OLFM3: variants seen among roughly 807,000 people sequenced by gnomAD.
OLFM3 encodes the protein noelin-3.
A neutral mutation model predicts 48.6 loss-of-function variants in OLFM3; 20 were observed. The ratio of observed to expected loss-of-function variants is 0.41; its 90% CI spans 0.29 to 0.60. The LOEUF is 0.60. Ranked by LOEUF, OLFM3 falls within the 20% of genes least tolerant of loss-of-function variation. The pLI is 0.28. For synonymous variants in OLFM3, 222 were observed against 198.1 expected, an observed-to-expected ratio of 1.12 and a Z score of -1.01; for missense variants, 437 against 544.3, an observed-to-expected ratio of 0.80 and a Z score of 1.96.
intron 1 of OLFM3, among the ~76,000 whole-genome samples, chr1:101,922,150 C>T (rs1659116876): frequency 6.6e-6 from 1 of 152,128 alleles, no homozygotes; most frequent in African/African-American, 2.4e-5. Context: ...GAAACCAACT[C>T]CATTTCTTGT....
intron 1 of OLFM3, among the ~76,000 whole-genome samples, chr1:101,987,302 C>T (rs932410235): frequency 1.3e-5 from 2 of 152,170 alleles, no homozygotes; most frequent in Non-Finnish European, 2.9e-5. Context: ...TTTCCTTCTG[C>T]ATAGTCCTTG....
intron 1 of OLFM3, among the ~76,000 whole-genome samples, chr1:101,865,830 C>T (rs142020139): frequency 3.5e-4 from 53 of 152,258 alleles, no homozygotes; most frequent in African/African-American, 1.3e-3. Flanking sequence ...TAACATTTAA[C>T]TCTACTAGAT....
chr1:101,845,431 A>C (rs1655947884), intron 1 of OLFM3, among the ~76,000 whole-genome samples: 1 of 152,210 alleles, frequency 6.6e-6, no homozygotes, highest in South Asian at 2.1e-4. Flanking sequence ...AAAAATATAC[A>C]TGTCAGAATC....
chr1:101,885,427 ATTT>A (rs1657711967), intron 1 of OLFM3, among the ~76,000 whole-genome samples: 1 of 152,048 alleles, frequency 6.6e-6, no homozygotes, highest in African/African-American at 2.4e-5. Flanking sequence ...ATATGGAAAT[ATTT>A]TTAGATAAAT....
chr1:101,968,712 C>A (rs928828640), intron 1 of OLFM3, among the ~76,000 whole-genome samples: 2 of 152,142 alleles, frequency 1.3e-5, no homozygotes, highest in African/African-American at 4.8e-5. Flanking sequence ...ATAAAATTGT[C>A]CCTGTCTCTC....
At chr1:101,908,401 C>G (rs12730852) in intron 1 of OLFM3, among the ~76,000 whole-genome samples, 1 of 152,090 alleles carries the variant, frequency 6.6e-6, no homozygotes, top group African/African-American at 2.4e-5. Context: ...ATTATATGTG[C>G]TAAAAGCTCT....
chr1:101,975,774 C>T (rs533108547), intron 1 of OLFM3, among the ~76,000 whole-genome samples: 2 of 152,072 alleles, frequency 1.3e-5, no homozygotes, highest in East Asian at 1.9e-4. Context: ...GAATGTTAGC[C>T]CATTGCACAG....
intron 1 of OLFM3, among the ~76,000 whole-genome samples, chr1:101,867,612 G>A (rs952317708): frequency 6.6e-6 from 1 of 152,136 alleles, no homozygotes; most frequent in Non-Finnish European, 1.5e-5. Context: ...ATAACTCAGC[G>A]ATGAAGACCT....
At chr1:101,923,650 A>G (rs2101040697) in intron 1 of OLFM3, among the ~76,000 whole-genome samples, 1 of 152,200 alleles carries the variant, frequency 6.6e-6, no homozygotes, top group South Asian at 2.1e-4. Flanking sequence ...GACAAGAAAA[A>G]TTGAGTTATC....
intron 1 of OLFM3, among the ~76,000 whole-genome samples, chr1:101,966,317 T>TTTTGTGTGTGTGTGTGTGTGTGTG (rs371512942): frequency 1.0e-4 from 13 of 128,158 alleles, no homozygotes; most frequent in South Asian, 2.8e-4. Context: ...CCTGGCTAAT[T>TTTTGTGTGTGTGTGTGTGTGTGTG]TGTGTGTGTG....
intron 1 of OLFM3, among the ~76,000 whole-genome samples, chr1:101,880,156 T>G (rs528502175): frequency 6.6e-6 from 1 of 152,008 alleles, no homozygotes; most frequent in East Asian, 1.9e-4. Flanking sequence ...ATAATTTAAT[T>G]AGTTTTATTT....
chr1:101,926,428 T>G (rs959589346), intron 1 of OLFM3, among the ~76,000 whole-genome samples: 5 of 152,190 alleles, frequency 3.3e-5, no homozygotes, highest in African/African-American at 9.7e-5. Context: ...CGCAAGCCTT[T>G]GATAGATCAA....
chr1:101,941,473 G>C (rs12128684), intron 1 of OLFM3, among the ~76,000 whole-genome samples: 1 of 151,690 alleles, frequency 6.6e-6, no homozygotes, highest in African/African-American at 2.4e-5. Context: ...TATTCTTTGC[G>C]GAAAATAAGT....
chr1:101,919,967 G>A (rs116085068), intron 1 of OLFM3, among the ~76,000 whole-genome samples: 56 of 152,178 alleles, frequency 3.7e-4, no homozygotes, highest in African/African-American at 1.3e-3. Flanking sequence ...AGATGTTCAG[G>A]CCTAAAGCAT....
At chr1:101,966,359 G>C (rs1245565165) in intron 1 of OLFM3, among the ~76,000 whole-genome samples, 1 of 149,912 alleles carries the variant, frequency 6.7e-6, no homozygotes. Context: ...GTGCGCTACA[G>C]ATAAGGTCTT....
chr1:101,816,516 A>G (rs79130542), intron 4 of OLFM3, among the ~76,000 whole-genome samples: 4,011 of 152,158 alleles, frequency 0.026, 180 homozygotes, highest in African/African-American at 0.09. Flanking sequence ...ACTCCCATCA[A>G]TTTCACAGGA....
chr1:101,974,988 T>C (rs1007469232), intron 1 of OLFM3, among the ~76,000 whole-genome samples: 1 of 152,206 alleles, frequency 6.6e-6, no homozygotes, highest in African/African-American at 2.4e-5. Context: ...ACCATGGCAT[T>C]TGTCTTCTGA....
intron 1 of OLFM3, among the ~76,000 whole-genome samples, chr1:101,913,753 T>C (rs960166548): frequency 2.6e-5 from 4 of 151,406 alleles, no homozygotes; most frequent in African/African-American, 9.7e-5. Context: ...GGCCATTAAG[T>C]GGCAATAGTA....
chr1:101,858,783 T>A (rs559838512), intron 1 of OLFM3, among the ~76,000 whole-genome samples: 1 of 152,072 alleles, frequency 6.6e-6, no homozygotes, highest in Non-Finnish European at 1.5e-5. Flanking sequence ...CTCTGAGGCC[T>A]CCCCAGCCAT....
Sources: gnomAD v4.1 joint callset for allele counts (sites outside exome capture counted in the v4.1 genomes callset) on GRCh38, gnomAD v4.1.1 for gene constraint, MANE v1.5 for transcripts, NCBI Gene and HGNC (gene_info 2026-07-23, HGNC 2026-07-21) for gene names.